Variants in TMTC1 observed in about 807,000 individuals in gnomAD.
TMTC1 encodes protein O-mannosyl-transferase TMTC1.
A neutral mutation model predicts 104.8 loss-of-function variants in TMTC1; 73 were observed. The observed-to-expected ratio is 0.70, with a 90% CI of 0.58 to 0.85. The LOEUF (loss-of-function observed/expected upper bound fraction) is 0.85, where lower values mean the gene tolerates loss of function less well. Among genes scored for constraint, TMTC1 ranks in the 40% least tolerant of loss-of-function variants. The pLI, the probability that TMTC1 is intolerant of heterozygous loss-of-function variation, is 0.00. For synonymous variants in TMTC1, 434 were observed against 428.7 expected (o/e 1.01, Z -0.15); for missense variants, 1,035 against 1,096.1 (o/e 0.94, Z 0.79).
chr12:29,501,127 C>T lies in TMTC1; in HGVS notation c.*5719G>A, dbSNP rs1943579773. On this transcript the variant is annotated 3_prime_UTR_variant, in exon 18 of 18. Transcript: ENST00000539277. ...ATGATTTCCACATTATAAAAGCAAGCCATGGCTTCTACAGATATTTTAATT... is the reference window on the plus strand; with the variant it reads ...ATGATTTCCACATTATAAAAGCAAGTCATGGCTTCTACAGATATTTTAATT... 6.6e-6 allele frequency: 1 copy of T among 152,306 alleles called. No homozygotes were observed. The allele number at this position is 152,306 out of a possible 1,614,324, so 9.4% of individuals were successfully genotyped here.
chr12:29,772,235 C>T (rs1943610229), intron 1 of TMTC1, among the ~76,000 whole-genome samples: 1 of 152,190 alleles, frequency 6.6e-6, no homozygotes. Flanking sequence ...TCTGGGCCTA[C>T]ACGGCTGCAT....
chr12:29,514,480 A>G lies in TMTC1; in HGVS notation c.2430+2T>C. ...TGATATAATTTTATGATGAGTTTATACCTCAAAAGCTTTGTCGAGAAGGTT... is the reference window on the plus strand; with the variant it reads ...TGATATAATTTTATGATGAGTTTATGCCTCAAAAGCTTTGTCGAGAAGGTT... On this transcript the variant is annotated splice_donor_variant, in intron 16 of 17. Transcript: ENST00000539277. LOFTEE classifies it high-confidence loss of function. The G allele has an allele frequency of 6.2e-7, 1 of 1,607,124 alleles. No individual in the cohort carries two copies. Among genetic ancestry groups the G allele is most frequent in the African/African-American group, 1.3e-5 (1 of 74,298 alleles).
chr12:29,711,255 C>T (rs1369189466), intron 5 of TMTC1, among the ~76,000 whole-genome samples: 1 of 151,906 alleles, frequency 6.6e-6, no homozygotes, highest in Non-Finnish European at 1.5e-5. Flanking sequence ...CTGGGATTAT[C>T]CACTTGAGCC....
Position 29,572,097 on chromosome 12 carries a change from G to T in TMTC1, c.1532+8C>A, listed in dbSNP as rs371949463. Reference sequence around the variant, plus strand: ...CCAAGGCCAACACCCTCCCTGTGTGGCGCTTACTTGAGAGCTGTTCTGTAG... The same window carrying T: ...CCAAGGCCAACACCCTCCCTGTGTGTCGCTTACTTGAGAGCTGTTCTGTAG... On this transcript the variant is annotated splice_region_variant and intron_variant, in intron 9 of 17. Transcript: ENST00000539277. 7.6e-5 allele frequency: 122 copies of T among 1,610,014 alleles called. No homozygotes were observed. Among genetic ancestry groups the T allele is most frequent in the Non-Finnish European group, 4.8e-5 (56 of 1,176,550 alleles).
At chr12:29,511,798 T>C (rs2136134033) in intron 17 of TMTC1, among the ~76,000 whole-genome samples, 1 of 152,298 alleles carries the variant, frequency 6.6e-6, no homozygotes, top group Middle Eastern at 3.4e-3. Context: ...TCTTCATGGT[T>C]AGAAAAATCA....
At chr12:29,583,606 T>G (rs766381762) in intron 7 of TMTC1, 32 bp from the exon 8 acceptor site, 1 of 1,596,172 alleles carries the variant, frequency 6.3e-7, no homozygotes, top group Non-Finnish European at 8.5e-7. Context: ...ACGGGATTAC[T>G]TTGGGGGTGC....
chr12:29,548,852 TA>T (rs555473762), intron 10 of TMTC1, among the ~76,000 whole-genome samples: 1 of 45,696 alleles, frequency 2.2e-5, no homozygotes, highest in East Asian at 1.2e-3. Flanking sequence ...CTAAAATATA[TA>T]ATATATAAAT....
intron 5 of TMTC1, among the ~76,000 whole-genome samples, chr12:29,708,090 C>A (rs914997930): frequency 5.3e-5 from 8 of 152,182 alleles, no homozygotes; most frequent in Admixed American, 4.6e-4. Flanking sequence ...GTGCCCAGTA[C>A]TGTGGGATAT....
chr12:29,722,920 C>CA (rs60730102), intron 5 of TMTC1, among the ~76,000 whole-genome samples: 21,501 of 104,148 alleles, frequency 0.21, 2,000 homozygotes, highest in East Asian at 0.29. Context: ...GACTCTGTCT[C>CA]AAAAAAAAAA....
chr12:29,623,661 A>C (rs1937799300), intron 6 of TMTC1, among the ~76,000 whole-genome samples: 1 of 152,066 alleles, frequency 6.6e-6, no homozygotes, highest in Admixed American at 6.5e-5. Context: ...GAAAATACAA[A>C]AATTAGCCAG....
chr12:29,628,351 A>C (rs1292561522), intron 6 of TMTC1, among the ~76,000 whole-genome samples: 5 of 152,196 alleles, frequency 3.3e-5, no homozygotes, highest in Non-Finnish European at 4.4e-5. Context: ...AAGTGAAAGA[A>C]GCCAGACATA....
chr12:29,662,448 G>A (rs1488657441), intron 5 of TMTC1, among the ~76,000 whole-genome samples: 5 of 151,984 alleles, frequency 3.3e-5, no homozygotes, highest in African/African-American at 4.8e-5. Flanking sequence ...TCAGGAGTTC[G>A]AGACCAGCCT....
intron 5 of TMTC1, among the ~76,000 whole-genome samples, chr12:29,654,735 G>T (rs1372303986): frequency 2.1e-5 from 3 of 141,340 alleles, no homozygotes; most frequent in Non-Finnish European, 4.7e-5. Context: ...AAAAAAAAAT[G>T]AGATGTATGG....
chr12:29,596,131 C>G (rs530802103), intron 7 of TMTC1, among the ~76,000 whole-genome samples: 71 of 152,248 alleles, frequency 4.7e-4, no homozygotes, highest in African/African-American at 1.5e-3. Flanking sequence ...CCCAACCTCC[C>G]AAGTAGCTGC....
chr12:29,529,704 C>T (rs2136185600), intron 11 of TMTC1, among the ~76,000 whole-genome samples: 1 of 152,266 alleles, frequency 6.6e-6, no homozygotes, highest in East Asian at 1.9e-4. Flanking sequence ...ACAGTTCCTC[C>T]ACCCATATGT....
intron 5 of TMTC1, among the ~76,000 whole-genome samples, chr12:29,750,055 C>G (rs1315349636): frequency 8.1e-6 from 1 of 123,956 alleles, no homozygotes; most frequent in Non-Finnish European, 1.7e-5. Context: ...GTTATCATAA[C>G]TGTCTATACA....
At chr12:29,645,371 A>G (rs60510229) in intron 5 of TMTC1, among the ~76,000 whole-genome samples, 8,578 of 152,234 alleles carry the variant, frequency 0.056, 281 homozygotes, top group African/African-American at 0.074. Context: ...AAGCTATGCC[A>G]GCTTATTTTT....
chr12:29,660,687 T>C (rs1439796278), intron 5 of TMTC1: 2 of 311,468 alleles, frequency 6.4e-6, no homozygotes, highest in African/African-American at 4.4e-5. Flanking sequence ...GTCATGATGT[T>C]AGAGTCTATT....
At chr12:29,675,417 T>C (rs542834756) in intron 5 of TMTC1, among the ~76,000 whole-genome samples, 10 of 152,290 alleles carry the variant, frequency 6.6e-5, no homozygotes, top group African/African-American at 2.4e-4. Context: ...AGGAGCTTCG[T>C]GGGACACAGG....
Sources: allele counts gnomAD v4.1 joint callset (sites outside exome capture counted in the v4.1 genomes callset), GRCh38; gene constraint gnomAD v4.1.1; transcripts MANE v1.5; gene names NCBI Gene and HGNC (gene_info 2026-07-23, HGNC 2026-07-21).